The following NBAS variants were observed in gnomAD, a reference collection of about 807,000 sequenced individuals.
The protein encoded by NBAS is NBAS subunit of NRZ tethering complex.
Under a neutral mutation model 302.5 loss-of-function variants are expected in NBAS, and 219 were observed. The observed-to-expected ratio is 0.72, with a 90% confidence interval of 0.65 to 0.81. NBAS has a LOEUF of 0.81. Among genes scored for constraint, NBAS ranks in the 30% least tolerant of loss-of-function variants. NBAS has a pLI of 0.00. For missense variants in NBAS, 2,932 were observed against 2,841.6 expected (o/e 1.03, Z -0.72); for synonymous variants, 1,118 against 1,021.6 (o/e 1.09, Z -1.80).
chr2:15,335,557 T>C (rs1672545127), intron 35 of NBAS, among the ~76,000 whole-genome samples: 2 of 152,218 alleles, frequency 1.3e-5, no homozygotes, highest in African/African-American at 2.4e-5. Context: ...CTTTGTGGTT[T>C]TAACGTGCAC....
In NBAS at chr2:15,327,906, T is replaced by C; in HGVS notation, c.4462-36A>G. The C allele has an allele frequency of 1.9e-6, 3 of 1,612,510 alleles. No individual in the cohort carries two copies. In the Admixed American group the frequency reaches 5.0e-5, roughly 27 times the overall value. ...GAAGCAGTTTCACTATCTAGTAGGG[T>C]GCCTTTTGTCCTACAAACATATGCT... On this transcript the variant is annotated intron_variant, in intron 37 of 51. Transcript: ENST00000281513.
At chr2:15,307,778 C>T (rs6708720) in intron 40 of NBAS, among the ~76,000 whole-genome samples, 83,487 of 151,760 alleles carry the variant, frequency 0.55, 24,596 homozygotes, top group East Asian at 0.85. Flanking sequence ...ACATTCTGTC[C>T]GTACAACTGA....
chr2:15,036,170 T>G, the NBAS span, among the ~76,000 whole-genome samples: 1 of 152,248 alleles, frequency 6.6e-6, no homozygotes, highest in Non-Finnish European at 1.5e-5. Context: ...GTTGTATTTT[T>G]TAAATGGTAT....
the NBAS span, among the ~76,000 whole-genome samples, chr2:14,996,255 G>A: frequency 6.6e-6 from 1 of 152,202 alleles, no homozygotes; most frequent in South Asian, 2.1e-4. Flanking sequence ...TTAAGTGCCA[G>A]GAGTATTTTA....
chr2:15,256,920 CA>C (rs1668626741), intron 44 of NBAS, among the ~76,000 whole-genome samples: 1 of 152,130 alleles, frequency 6.6e-6, no homozygotes, highest in African/African-American at 2.4e-5. Context: ...TTTGATTATG[CA>C]GTATTATCTT....
In NBAS at chr2:15,511,138, G is replaced by T. The variant is rs187353499; in HGVS notation, c.885+74C>A. The T allele has an allele frequency of 8.0e-5, 124 of 1,547,490 alleles. No homozygotes were observed. The African/African-American group carries it at 9.3e-4, about 12-fold the overall frequency. On this transcript the variant is annotated intron_variant, in intron 10 of 51. Coordinates refer to ENST00000281513, the MANE Select transcript of NBAS (RefSeq NM_015909.4). ...TATTTCTTCCTCTATATCTTACAAA[G>T]GACTTATTTGTCTAAGACAAATAGC...
At chr2:15,457,179 T>A (rs1572880463) in intron 21 of NBAS, among the ~76,000 whole-genome samples, 1 of 152,290 alleles carries the variant, frequency 6.6e-6, no homozygotes, top group East Asian at 1.9e-4. Context: ...GGCTGAAGAC[T>A]GCACAGTGAG....
rs147649157 is a variant in NBAS, at chr2:15,416,757, G to A, written c.2763+770C>T. On this transcript the variant is annotated intron_variant, in intron 24 of 51. Coordinates refer to ENST00000281513, the MANE Select transcript of NBAS (RefSeq NM_015909.4). ...GGAGATGGAGGTTACAGTGAGCCAA[G>A]ATCACGTCACTGCACTCCAGCCTGG... is the stretch of plus-strand genomic sequence containing the variant. 6.9e-3 allele frequency among the ~76,000 whole-genome samples: 1,007 copies of A among 145,558 alleles called. 11 individuals carry two copies. Among genetic ancestry groups the A allele is most frequent in the African/African-American group, 0.023 (910 of 39,128 alleles).
At chr2:15,168,865 G>T (rs1480212392) in intron 51 of NBAS, among the ~76,000 whole-genome samples, 1 of 152,202 alleles carries the variant, frequency 6.6e-6, no homozygotes, top group Admixed American at 6.5e-5. Flanking sequence ...CTGACCTCAG[G>T]TGATCCACTC....
intron 17 of NBAS, 126 bp downstream of exon 17, chr2:15,468,256 G>T: frequency 8.8e-7 from 1 of 1,141,552 alleles, no homozygotes; most frequent in Non-Finnish European, 1.3e-6. Context: ...AGACAGTATT[G>T]ATCAAAAGCA....
intron 49 of NBAS, among the ~76,000 whole-genome samples, chr2:15,189,445 G>A (rs1665240058): frequency 6.6e-6 from 1 of 152,110 alleles, no homozygotes; most frequent in African/African-American, 2.4e-5. Flanking sequence ...CTGGCCTGTG[G>A]GGGCAGTATG....
intron 42 of NBAS, among the ~76,000 whole-genome samples, chr2:15,281,090 G>A (rs1047781932): frequency 1.3e-5 from 2 of 152,182 alleles, no homozygotes; most frequent in Non-Finnish European, 2.9e-5. Flanking sequence ...TCAATAAAGA[G>A]TGTCTTAGAG....
At chr2:15,234,813 G>A in intron 45 of NBAS, 66 bp from the exon 46 acceptor site, 1 of 1,509,196 alleles carries the variant, frequency 6.6e-7, no homozygotes, top group Non-Finnish European at 9.2e-7. Flanking sequence ...CATGCACAAA[G>A]TGAAACATAT....
chr2:15,330,813 G>C (rs1235722751), intron 35 of NBAS, 48 bp from the exon 36 acceptor site: 1 of 1,582,148 alleles, frequency 6.3e-7, no homozygotes, highest in Non-Finnish European at 8.7e-7. Flanking sequence ...ATTACCATAA[G>C]AACAGAGAAG....
the NBAS span, among the ~76,000 whole-genome samples, chr2:15,031,356 G>A: frequency 2.6e-5 from 4 of 152,152 alleles, no homozygotes; most frequent in African/African-American, 9.7e-5. Flanking sequence ...ATCTCAACAT[G>A]TCCACAGTCC....
chr2:14,933,457 A>T, the NBAS span, among the ~76,000 whole-genome samples: 1 of 152,220 alleles, frequency 6.6e-6, no homozygotes, highest in Non-Finnish European at 1.5e-5. Context: ...TTCTGGGGCA[A>T]CAAGGTAACT....
At chr2:15,396,202 C>T (rs1338693623) in intron 27 of NBAS, among the ~76,000 whole-genome samples, 1 of 152,056 alleles carries the variant, frequency 6.6e-6, no homozygotes, top group African/African-American at 2.4e-5. Context: ...TAAATTTGAA[C>T]GTAGGTTTTC....
chr2:15,167,528 GAACCCCACTGCA>G (rs1664088661), intron 51 of NBAS, among the ~76,000 whole-genome samples: 1 of 152,150 alleles, frequency 6.6e-6, no homozygotes, highest in Non-Finnish European at 1.5e-5. Flanking sequence ...GAAGACACAA[GAACCCCACTGCA>G]ATCATCACTA....
chr2:15,144,888 T>C, the NBAS span, among the ~76,000 whole-genome samples: 1 of 152,206 alleles, frequency 6.6e-6, no homozygotes, highest in African/African-American at 2.4e-5. Context: ...CATAGCAATA[T>C]ATAAAGCCTT....
Sources: gnomAD v4.1 joint callset for allele counts (sites outside exome capture counted in the v4.1 genomes callset) on GRCh38, gnomAD v4.1.1 for gene constraint, MANE v1.5 for transcripts, NCBI Gene and HGNC (gene_info 2026-07-23, HGNC 2026-07-21) for gene names.